Variants in SH3TC2 observed in about 807,000 individuals in gnomAD.
The protein encoded by SH3TC2 is SH3 domain and tetratricopeptide repeats 2.
In SH3TC2, 87 loss-of-function variants were observed where a neutral mutation model predicts 124.5. The ratio of observed to expected loss-of-function variants is 0.70; its 90% CI spans 0.59 to 0.84. SH3TC2 has a LOEUF of 0.84. Among genes scored for constraint, SH3TC2 ranks in the 40% least tolerant of loss-of-function variants. The pLI is 0.00. For missense variants in SH3TC2, 1,536 were observed against 1,566.4 expected (o/e 0.98, Z 0.33); for synonymous variants, 634 against 628.5 (o/e 1.01, Z -0.13).
rs1470504591 is a variant in SH3TC2 at position 149,001,492 on chromosome 5, A to G, written c.*3219T>C. 1 of 152,190 alleles carries G rather than the reference A, an allele frequency of 6.6e-6. No individual in the cohort carries two copies. The highest frequency in any genetic ancestry group is 1.9e-4 in the East Asian group (1 of 5,188). 9.4% of individuals were successfully genotyped at this position (152,190 alleles called of 1,614,324 possible). A position where few individuals can be genotyped will look rare whatever the true frequency, so the allele number is the denominator to read the frequency against. On this transcript the variant is annotated 3_prime_UTR_variant, in exon 17 of 17. Coordinates refer to ENST00000515425, the MANE Select transcript of SH3TC2 (RefSeq NM_024577.4). Reference sequence around the variant, plus strand: ...ATACACTTATTTTTTTAAATGTTTAAGTAGAGACCAAATCCAATCACCACT... The same window carrying G: ...ATACACTTATTTTTTTAAATGTTTAGGTAGAGACCAAATCCAATCACCACT...
intron 1 of SH3TC2, 40 bp downstream of exon 1, chr5:149,062,931 T>C: frequency 6.4e-7 from 1 of 1,559,188 alleles, no homozygotes; most frequent in Non-Finnish European, 8.7e-7. Context: ...ACCATCCACT[T>C]TGGCCAAGCC....
At position 149,041,551 on chromosome 5, in the gene SH3TC2, G is replaced by A. The variant is rs368872316; in HGVS notation, c.596C>T (p.Thr199Ile). The A allele has an allele frequency of 3.1e-6, 5 of 1,614,128 alleles. No individual in the cohort carries two copies. The highest frequency in any genetic ancestry group is 4.2e-6 in the Non-Finnish European group (5 of 1,180,064). ...TGAGATTAACTCATTCTTGCAAAGT[G>A]TCAAGCATTCCCCTTCCTTCTCGGC... ...PPAEKEGECL[T>I]LCKNELISVK... Residue 199 changes from threonine (T) to isoleucine (I), a missense_variant, in exon 6 of 17, where the codon ACA (threonine) becomes ATA (isoleucine). Thr to Ile is a moderately conservative substitution (Grantham distance 89). This residue lies in a region of SH3TC2 where 1,102 missense variants were observed against 1,098.6 expected (regional missense o/e 1.00). Transcript: ENST00000515425.
chr5:149,030,648 G>C (rs1325232504), intron 9 of SH3TC2, among the ~76,000 whole-genome samples: 5 of 152,262 alleles, frequency 3.3e-5, no homozygotes, highest in African/African-American at 1.2e-4. Flanking sequence ...CCTGAGGCAT[G>C]TGCTTTCACA....
chr5:149,056,163 G>A (rs541234276), intron 1 of SH3TC2, among the ~76,000 whole-genome samples: 121 of 151,644 alleles, frequency 8.0e-4, no homozygotes, highest in Non-Finnish European at 1.6e-3. Context: ...TGGTTCTTAG[G>A]TAAACTTATA....
chr5:149,036,428 G>A (rs566996663), intron 8 of SH3TC2, among the ~76,000 whole-genome samples: 17 of 152,166 alleles, frequency 1.1e-4, no homozygotes, highest in Non-Finnish European at 1.5e-4. Context: ...TCCTCTCTGC[G>A]TTCTCTCTTC....
chr5:149,006,746 C>T (rs1753695764), intron 16 of SH3TC2, 135 bp downstream of exon 16: 2 of 909,474 alleles, frequency 2.2e-6, no homozygotes, highest in Non-Finnish European at 3.7e-6. Flanking sequence ...CACTCCTCAC[C>T]CTATGAGACA....
rs976675726 is a variant in SH3TC2, at chr5:149,004,455, T to C, written c.*256A>G. The C allele has an allele frequency of 5.9e-6, 3 of 512,620 alleles. No homozygotes were observed. The highest frequency in any genetic ancestry group is 1.0e-5 in the Non-Finnish European group (3 of 286,750). 31.8% of individuals were successfully genotyped at this position (512,620 alleles called of 1,614,324 possible). ...TGGAGAAAGTGCTTTTCAGAGGCTG[T>C]TTGTGTGGAAGGCAACAGTCAACCG... is the stretch of plus-strand genomic sequence containing the variant. On this transcript the variant is annotated 3_prime_UTR_variant, in exon 17 of 17. Coordinates refer to ENST00000515425, the MANE Select transcript of SH3TC2 (RefSeq NM_024577.4).
At position 149,004,212 on chromosome 5, in the gene SH3TC2, A is replaced by G. The variant is rs899021961; in HGVS notation, c.*499T>C. On this transcript the variant is annotated 3_prime_UTR_variant, in exon 17 of 17. Coordinates refer to ENST00000515425, the MANE Select transcript of SH3TC2 (RefSeq NM_024577.4). ...TTCTCTCCTGTCAATCCCTGTGAGC[A>G]TGAGGAGTGATACATACTTTGGTTC... is the stretch of plus-strand genomic sequence containing the variant. 1.1e-5 allele frequency: 2 copies of G among 184,626 alleles called. No individual in the cohort carries two copies. The highest frequency in any genetic ancestry group is 2.3e-5 in the Non-Finnish European group (2 of 86,990). 11.4% of individuals were successfully genotyped at this position (184,626 alleles called of 1,614,324 possible). A position where few individuals can be genotyped will look rare whatever the true frequency, so the allele number is the denominator to read the frequency against.
intron 12 of SH3TC2, among the ~76,000 whole-genome samples, chr5:149,018,341 G>A (rs1031272687): frequency 7.9e-5 from 12 of 151,872 alleles, no homozygotes; most frequent in Non-Finnish European, 1.8e-4. Context: ...AGTCTTCTTT[G>A]CACCTATATT....
At chr5:149,009,506 C>T (rs1753747907) in intron 14 of SH3TC2, among the ~76,000 whole-genome samples, 1 of 152,314 alleles carries the variant, frequency 6.6e-6, no homozygotes, top group African/African-American at 2.4e-5. Flanking sequence ...CAGTCAGAGA[C>T]GCGTTCCCTG....
At chr5:149,009,373 G>A (rs1580889288) in intron 14 of SH3TC2, among the ~76,000 whole-genome samples, 1 of 147,016 alleles carries the variant, frequency 6.8e-6, no homozygotes, top group African/African-American at 2.5e-5. Flanking sequence ...GCATAGTGTG[G>A]GAATATCTCA....
chr5:148,986,111 A>T lies in SH3TC2; in HGVS notation c.*18600T>A, dbSNP rs1753328641. ...TTTGATCCAATTATAATCAATTTTC[A>T]CTCACTAAGGCCCTGCTTAATAGCC... On this transcript the variant is annotated 3_prime_UTR_variant, in exon 17 of 17. Coordinates refer to ENST00000515425, the MANE Select transcript of SH3TC2 (RefSeq NM_024577.4). Among the ~76,000 whole-genome samples, 1 of 152,072 alleles carries T rather than the reference A, an allele frequency of 6.6e-6. No individual in the cohort carries two copies. Among genetic ancestry groups the T allele is most frequent in the African/African-American group, 2.4e-5 (1 of 41,394 alleles).
In SH3TC2 at chr5:148,989,326, T is replaced by A. The variant is rs540944260; in HGVS notation, c.*15385A>T. Among the ~76,000 whole-genome samples the A allele has an allele frequency of 6.6e-6, 1 of 152,356 alleles. No homozygotes were observed. Among genetic ancestry groups the A allele is most frequent in the East Asian group, 1.9e-4 (1 of 5,188 alleles). ...GGTATTTATTATCCCCATTTTACAG[T>A]TGAAAGAGCCATAGCTCAGAAAGAT... On this transcript the variant is annotated 3_prime_UTR_variant, in exon 17 of 17. Transcript: ENST00000515425.
chr5:149,037,745 G>C (rs896999773), intron 8 of SH3TC2, among the ~76,000 whole-genome samples: 3 of 152,158 alleles, frequency 2.0e-5, no homozygotes, highest in Admixed American at 1.3e-4. Context: ...ACCTTCTCCT[G>C]ATTGGCCAGG....
chr5:149,052,389 A>G lies in SH3TC2; in HGVS notation c.53-149T>C, dbSNP rs141539240. 9.7e-4 allele frequency: 647 copies of G among 667,202 alleles called. 7 individuals are homozygous for G. In the African/African-American group the frequency reaches 0.01, roughly 11 times the overall value. The allele number at this position is 667,202 out of a possible 1,614,324, so 41.3% of individuals were successfully genotyped here. A position where few individuals can be genotyped will look rare whatever the true frequency, so the allele number is the denominator to read the frequency against. ...TAATTGTTATCACCATTGCCTTGTA[A>G]TTATCTAAGCTGTTATCAAAGAACT... On this transcript the variant is annotated intron_variant, in intron 1 of 16. Transcript: ENST00000515425.
intron 6 of SH3TC2, 130 bp downstream of exon 6, chr5:149,041,286 T>C: frequency 3.2e-6 from 3 of 936,642 alleles, no homozygotes; most frequent in Non-Finnish European, 1.6e-6. Flanking sequence ...GACAGAAAGA[T>C]AAAGACCCAC....
chr5:149,029,380 T>C lies in SH3TC2; in HGVS notation c.1136-662A>G, dbSNP rs886731858. Among the ~76,000 whole-genome samples the C allele has an allele frequency of 2.6e-5, 4 of 152,096 alleles. No homozygotes were observed. In the South Asian group the frequency reaches 8.3e-4, roughly 32 times the overall value. On this transcript the variant is annotated intron_variant, in intron 9 of 16. Transcript: ENST00000515425. The stretch of plus-strand genomic sequence containing the variant: ...GAATCTGGAGTGCAGTTTTAGACCT[T>C]TGGGGTTTGAGGTAGCTGCAGGAGC...
At position 148,989,634 on chromosome 5, in the gene SH3TC2, C is replaced by T. The variant is rs1296269333; in HGVS notation, c.*15077G>A. 2.0e-5 allele frequency among the ~76,000 whole-genome samples: 3 copies of T among 152,164 alleles called. No homozygotes were observed. The highest frequency in any genetic ancestry group is 4.8e-5 in the African/African-American group (2 of 41,430). On this transcript the variant is annotated 3_prime_UTR_variant, in exon 17 of 17. Transcript: ENST00000515425. Reference sequence around the variant, plus strand: ...ATGTATATTGCTGCAGATGTTGGTACAATTCTGTATTGTCCGGTTTGCACT... The same window carrying T: ...ATGTATATTGCTGCAGATGTTGGTATAATTCTGTATTGTCCGGTTTGCACT...
chr5:149,046,567 G>C (rs112345919), intron 3 of SH3TC2: 1 of 152,076 alleles, frequency 6.6e-6, no homozygotes, highest in Admixed American at 6.5e-5. Context: ...ATATTCAAGG[G>C]GGCCAAGGCA....
Sources: gnomAD v4.1 joint callset for allele counts (sites outside exome capture counted in the v4.1 genomes callset) on GRCh38, gnomAD v4.1.1 for gene constraint, gnomAD v4.1.1 regional missense constraint, MANE v1.5 for transcripts, NCBI Gene and HGNC (gene_info 2026-07-23, HGNC 2026-07-21) for gene names.